The following DDX6 variants were observed in gnomAD, a reference collection of about 807,000 sequenced individuals.
DDX6 encodes probable ATP-dependent RNA helicase DDX6.
Under a neutral mutation model 60.6 loss-of-function variants are expected in DDX6, and 7 were observed. That is an observed-to-expected ratio of 0.12 (90% CI 0.07 to 0.22). The LOEUF (loss-of-function observed/expected upper bound fraction) is 0.22, where lower values mean the gene tolerates loss of function less well. Ranked by LOEUF, DDX6 falls within the 10% of genes least tolerant of loss-of-function variation. The pLI, the probability that DDX6 is intolerant of heterozygous loss-of-function variation, is 1.00. For missense variants in DDX6, 270 were observed against 589.9 expected, an observed-to-expected ratio of 0.46 and a Z score of 5.62; for synonymous variants, 207 against 201.0, an observed-to-expected ratio of 1.03 and a Z score of -0.25.
intron 4 of DDX6, among the ~76,000 whole-genome samples, chr11:118,775,051 A>T (rs1212844073): frequency 6.6e-6 from 1 of 152,204 alleles, no homozygotes; most frequent in Non-Finnish European, 1.5e-5. Context: ...GTGGTGGCTC[A>T]CGCCTGTAAT....
At chr11:118,760,191 CAG>C (rs782614676) in intron 7 of DDX6, 147 bp from the exon 8 acceptor site, 6 of 783,796 alleles carry the variant, frequency 7.7e-6, no homozygotes, top group African/African-American at 5.3e-5. Flanking sequence ...TCCAACACTG[CAG>C]AGAGTCAAAT....
At chr11:118,763,836 A>AT (rs1392900494) in intron 6 of DDX6, among the ~76,000 whole-genome samples, 1 of 55,560 alleles carries the variant, frequency 1.8e-5, no homozygotes, top group Non-Finnish European at 3.9e-5. Flanking sequence ...TGTGTCTCAA[A>AT]TTAAAAAAAA....
At chr11:118,772,163 T>C (rs571221038) in intron 4 of DDX6, among the ~76,000 whole-genome samples, 1 of 152,356 alleles carries the variant, frequency 6.6e-6, no homozygotes, top group Non-Finnish European at 1.5e-5. Context: ...TTCAGACGGA[T>C]GACAGTTGAG....
chr11:118,768,106 A>C, intron 5 of DDX6, 117 bp downstream of exon 5: 1 of 1,022,274 alleles, frequency 9.8e-7, no homozygotes, highest in South Asian at 2.2e-5. Flanking sequence ...ACCTGAAAAG[A>C]AAGAATACAA....
intron 7 of DDX6, among the ~76,000 whole-genome samples, chr11:118,760,655 T>C (rs1555159959): frequency 6.6e-6 from 1 of 151,532 alleles, no homozygotes; most frequent in African/African-American, 2.4e-5. Context: ...ACCCCATCTC[T>C]ACTAAAAATA....
intron 3 of DDX6, among the ~76,000 whole-genome samples, chr11:118,780,896 C>T (rs1005857435): frequency 6.6e-6 from 1 of 152,164 alleles, no homozygotes; most frequent in Non-Finnish European, 1.5e-5. Context: ...GACAAAAATT[C>T]TCCCGGTTGA....
intron 2 of DDX6, among the ~76,000 whole-genome samples, chr11:118,781,811 C>T (rs571869272): frequency 6.6e-6 from 1 of 151,710 alleles, no homozygotes; most frequent in East Asian, 1.9e-4. Flanking sequence ...AACTGTAGTC[C>T]CAGCTACTCG....
rs1281082207 is a variant in DDX6, at chr11:118,751,930, CCTT to C, written c.*172_*174del. ...ACAAGTGGAACAAAAAAGGTATATT[CCTT>C]CTTTTCAGCCTTTTTCTCTTCACCA... On this transcript the variant is annotated 3_prime_UTR_variant, in exon 14 of 14. Coordinates refer to ENST00000534980, the MANE Select transcript of DDX6 (RefSeq NM_004397.6). The C allele has an allele frequency of 2.1e-5, 9 of 428,686 alleles. No individual in the cohort carries two copies. Among genetic ancestry groups the C allele is most frequent in the East Asian group, 1.6e-4 (2 of 12,778 alleles). The allele number at this position is 428,686 out of a possible 1,614,324, so 26.6% of individuals were successfully genotyped here.
chr11:118,770,600 T>C (rs1284430570), intron 4 of DDX6, among the ~76,000 whole-genome samples: 1 of 152,076 alleles, frequency 6.6e-6, no homozygotes, highest in Non-Finnish European at 1.5e-5. Flanking sequence ...TGTGAAAATA[T>C]TGTTGTTGGC....
chr11:118,766,959 G>A (rs1462655179), intron 5 of DDX6, among the ~76,000 whole-genome samples: 3 of 146,396 alleles, frequency 2.0e-5, no homozygotes, highest in Non-Finnish European at 3.0e-5. Flanking sequence ...GATCTTGGCT[G>A]ACTGCAACCT....
intron 4 of DDX6, among the ~76,000 whole-genome samples, chr11:118,773,032 T>C (rs983156855): frequency 2.0e-5 from 3 of 152,238 alleles, no homozygotes; most frequent in Non-Finnish European, 2.9e-5. Flanking sequence ...AGTATGTTTC[T>C]CTAGCCTTCT....
chr11:118,770,033 C>CT lies in DDX6; in HGVS notation c.370-1682dup, dbSNP rs1184616238. Reference sequence around the variant, plus strand: ...ATGATGTGGAATTTTAATTTTTTTTCTTTTTTTTTTGAGACAGAGTTTCGC... The same window carrying CT: ...ATGATGTGGAATTTTAATTTTTTTTCTTTTTTTTTTTGAGACAGAGTTTCGC... On this transcript the variant is annotated intron_variant, in intron 4 of 13. Coordinates refer to ENST00000534980, the MANE Select transcript of DDX6 (RefSeq NM_004397.6). Among the ~76,000 whole-genome samples the CT allele has an allele frequency of 6.6e-4, 96 of 146,156 alleles. 1 individual carries two copies. The highest frequency in any genetic ancestry group is 1.9e-3 in the African/African-American group (74 of 39,830).
At chr11:118,772,845 G>A (rs1555162864) in intron 4 of DDX6, among the ~76,000 whole-genome samples, 1 of 152,084 alleles carries the variant, frequency 6.6e-6, no homozygotes, top group Non-Finnish European at 1.5e-5. Flanking sequence ...AATTACATAT[G>A]CCCTGGTCTC....
intron 8 of DDX6, 199 bp from the exon 9 acceptor site, chr11:118,759,101 C>T (rs528353769): frequency 1.8e-5 from 11 of 616,016 alleles, no homozygotes; most frequent in Non-Finnish European, 2.9e-5. Flanking sequence ...GCTCTGTCAC[C>T]CAGGCTGGAG....
intron 6 of DDX6, among the ~76,000 whole-genome samples, chr11:118,764,194 AC>A (rs1861271802): frequency 6.6e-6 from 1 of 152,230 alleles, no homozygotes; most frequent in Non-Finnish European, 1.5e-5. Context: ...AGAATGTATC[AC>A]ATAATTATCA....
intron 9 of DDX6, 87 bp downstream of exon 9, chr11:118,758,687 C>G (rs988104745): frequency 5.3e-6 from 8 of 1,511,106 alleles, no homozygotes; most frequent in Non-Finnish European, 7.2e-6. Context: ...AACTTTTATA[C>G]AGTGAAGACG....
At chr11:118,773,837 A>G (rs1477746233) in intron 4 of DDX6, among the ~76,000 whole-genome samples, 1 of 151,622 alleles carries the variant, frequency 6.6e-6, no homozygotes, top group Non-Finnish European at 1.5e-5. Flanking sequence ...ACCCCACCCA[A>G]AAAGAAAACA....
At chr11:118,766,597 C>T (rs1411260120) in intron 5 of DDX6, among the ~76,000 whole-genome samples, 2 of 152,008 alleles carry the variant, frequency 1.3e-5, no homozygotes, top group Non-Finnish European at 1.5e-5. Flanking sequence ...TAAACTCTTC[C>T]TCTTCTTTTT....
intron 13 of DDX6, among the ~76,000 whole-genome samples, chr11:118,753,792 C>T (rs186345071): frequency 6.6e-6 from 1 of 152,082 alleles, no homozygotes; most frequent in Admixed American, 6.5e-5. Context: ...AATGTAAATA[C>T]TTTCATATTC....
Sources: allele counts gnomAD v4.1 joint callset (sites outside exome capture counted in the v4.1 genomes callset), GRCh38; gene constraint gnomAD v4.1.1; transcripts MANE v1.5; gene names NCBI Gene and HGNC (gene_info 2026-07-23, HGNC 2026-07-21).